UBE2M: variants seen among roughly 807,000 people sequenced by gnomAD.
UBE2M encodes NEDD8-conjugating enzyme Ubc12.
UBE2M carries 2 observed loss-of-function variants against 23.5 expected under a neutral mutation model. The observed-to-expected ratio is 0.09, with a 90% confidence interval of 0.03 to 0.27. UBE2M has a LOEUF of 0.27. Among genes scored for constraint, UBE2M ranks in the 10% least tolerant of loss-of-function variants. UBE2M has a pLI of 1.00. For missense variants in UBE2M, 103 were observed against 232.9 expected, an observed-to-expected ratio of 0.44 and a Z score of 3.63; for synonymous variants, 97 against 95.2, an observed-to-expected ratio of 1.02 and a Z score of -0.11.
chr19:58,557,201 G>T (rs971105289), intron 1 of UBE2M, 44 bp from the exon 2 acceptor site: 2 of 1,580,472 alleles, frequency 1.3e-6, no homozygotes, highest in East Asian at 4.5e-5. Flanking sequence ...AGAGGGAGGG[G>T]AAGAGAGAGA....
chr19:58,558,203 C>G lies in UBE2M; in HGVS notation c.109+70G>C, dbSNP rs1413338454. 2.9e-6 allele frequency: 4 copies of G among 1,366,586 alleles called. No homozygotes were observed. Among genetic ancestry groups the G allele is most frequent in the Non-Finnish European group, 4.0e-6 (4 of 997,000 alleles). The allele number at this position is 1,366,586 out of a possible 1,614,324, so 84.7% of individuals were successfully genotyped here. A position where few individuals can be genotyped will look rare whatever the true frequency, so the allele number is the denominator to read the frequency against. The stretch of plus-strand genomic sequence containing the variant: ...CAGCAACCGCATTACCCCTTCCTGA[C>G]TCCCACATCACCCTGCCTCAGGCCC... On this transcript the variant is annotated intron_variant, in intron 1 of 5. Coordinates refer to ENST00000253023, the MANE Select transcript of UBE2M (RefSeq NM_003969.4). This position sits in a 1 kb window ranked among gnomAD's most constrained non-coding sequence, Gnocchi z 4.7.
chr19:58,557,215 A>G, intron 1 of UBE2M, 58 bp from the exon 2 acceptor site: 3 of 1,481,316 alleles, frequency 2.0e-6, no homozygotes, highest in Non-Finnish European at 2.8e-6. Flanking sequence ...AGAGAGAGAG[A>G]GGGAGCCAGC....
At position 58,556,239 on chromosome 19, in the gene UBE2M, G is replaced by T. The variant is rs779079546; in HGVS notation, c.412-10C>A. Reference sequence around the variant, plus strand: ...CCTCGGGGTTGGGCTCCTGTGGCCAGTACAGGTAGGGGGGGTCAACAGGCC... The same window carrying T: ...CCTCGGGGTTGGGCTCCTGTGGCCATTACAGGTAGGGGGGGTCAACAGGCC... On this transcript the variant is annotated splice_polypyrimidine_tract_variant and intron_variant, in intron 5 of 5. Coordinates refer to ENST00000253023, the MANE Select transcript of UBE2M (RefSeq NM_003969.4). This position sits in a 1 kb window ranked among gnomAD's most constrained non-coding sequence, Gnocchi z 4.9. 1.2e-6 allele frequency: 2 copies of T among 1,614,030 alleles called. No individual in the cohort carries two copies. Among genetic ancestry groups the T allele is most frequent in the Non-Finnish European group, 1.7e-6 (2 of 1,179,884 alleles).
chr19:58,556,673 G>A lies in UBE2M; in HGVS notation c.347+14C>T, dbSNP rs900739779. The A allele has an allele frequency of 5.3e-6, 8 of 1,520,682 alleles. No individual in the cohort carries two copies. In the African/African-American group the frequency reaches 1.1e-4, roughly 21 times the overall value. 94.2% of individuals were successfully genotyped at this position (1,520,682 alleles called of 1,614,324 possible). ...GCAGCGCTGAGGAGGGCATTAGAGGGCCAGTGTCCTCACCTGAGGATGTTG... is the reference window on the plus strand; with the variant it reads ...GCAGCGCTGAGGAGGGCATTAGAGGACCAGTGTCCTCACCTGAGGATGTTG... On this transcript the variant is annotated intron_variant, in intron 4 of 5. Coordinates refer to ENST00000253023, the MANE Select transcript of UBE2M (RefSeq NM_003969.4). This position sits in a 1 kb window ranked among gnomAD's most constrained non-coding sequence, Gnocchi z 4.9.
At chr19:58,557,191 A>G (rs1568670582) in intron 1 of UBE2M, 34 bp from the exon 2 acceptor site, 1 of 1,601,360 alleles carries the variant, frequency 6.2e-7, no homozygotes, top group Non-Finnish European at 8.6e-7. Flanking sequence ...GGGAACAGAA[A>G]GAGGGAGGGG....
In UBE2M at chr19:58,556,102, C is replaced by T. The variant is rs1217196342; in HGVS notation, c.539G>A (p.Arg180His). ...TATGCGCCAACCCTATTTCAGGCAG[C>T]GCTCAAAGTAGGTGGAGCCGATGTA... ...GGYIGSTYFE[R>H]CLK The change falls in exon 6 of 6, where the codon CGC (arginine) becomes CAC (histidine). Residue 180 changes from arginine (R) to histidine (H), a missense_variant. Coordinates refer to ENST00000253023, the MANE Select transcript of UBE2M (RefSeq NM_003969.4). This position sits in a 1 kb window ranked among gnomAD's most constrained non-coding sequence, Gnocchi z 4.9. 3 of 1,608,702 alleles carry T rather than the reference C, an allele frequency of 1.9e-6. No individual in the cohort carries two copies. The highest frequency in any genetic ancestry group is 2.5e-6 in the Non-Finnish European group (3 of 1,177,244).
rs865977291 is a variant in UBE2M, at chr19:58,556,436, C to T, written c.348-57G>A. ...GGTGAGTGGGAGACTGCCACAGGCC[C>T]CTCTGGTGTTGGGCAGGTCAGATCC... On this transcript the variant is annotated intron_variant, in intron 4 of 5. Transcript: ENST00000253023. The surrounding 1 kb of genome is among the most constrained non-coding windows in gnomAD (Gnocchi z 4.9). The T allele has an allele frequency of 6.3e-7, 1 of 1,580,482 alleles. No homozygotes were observed.
chr19:58,557,168 G>A lies in UBE2M; in HGVS notation c.110-11C>T. 1 of 1,613,348 alleles carries A rather than the reference G, an allele frequency of 6.2e-7. No homozygotes were observed. Among genetic ancestry groups the A allele is most frequent in the Non-Finnish European group, 8.5e-7 (1 of 1,179,612 alleles). On this transcript the variant is annotated splice_polypyrimidine_tract_variant and intron_variant, in intron 1 of 5. Transcript: ENST00000253023. ...TCAGCTCGTTTATGTCTGGGTTTGG[G>A]TAGCAGAGAGTCGGGAACAGAAAGA...
At position 58,558,121 on chromosome 19, in the gene UBE2M, C is replaced by T; in HGVS notation, c.109+152G>A. ...CCTCCCCGTGACTGCATGATCCCAACCCTCAAGACTTGACCTCCGACCCCC... is the reference window on the plus strand; with the variant it reads ...CCTCCCCGTGACTGCATGATCCCAATCCTCAAGACTTGACCTCCGACCCCC... On this transcript the variant is annotated intron_variant, in intron 1 of 5. Coordinates refer to ENST00000253023, the MANE Select transcript of UBE2M (RefSeq NM_003969.4). The surrounding 1 kb of genome is among the most constrained non-coding windows in gnomAD (Gnocchi z 4.7). The T allele has an allele frequency of 1.7e-6, 1 of 583,890 alleles. No homozygotes were observed. 36.2% of individuals were successfully genotyped at this position (583,890 alleles called of 1,614,324 possible).
rs1490456557 is a variant in UBE2M, at chr19:58,556,576, A to G, written c.347+111T>C. 1 of 1,160,210 alleles carries G rather than the reference A, an allele frequency of 8.6e-7. No individual in the cohort carries two copies. The highest frequency in any genetic ancestry group is 1.2e-6 in the Non-Finnish European group (1 of 825,550). 71.9% of individuals were successfully genotyped at this position (1,160,210 alleles called of 1,614,324 possible). A position where few individuals can be genotyped will look rare whatever the true frequency, so the allele number is the denominator to read the frequency against. ...AAGATGACTGGGAAATCAAGAAACC[A>G]CAGACAACAAAGGGGTGGGAAGGGA... On this transcript the variant is annotated intron_variant, in intron 4 of 5. Coordinates refer to ENST00000253023, the MANE Select transcript of UBE2M (RefSeq NM_003969.4). This position sits in a 1 kb window ranked among gnomAD's most constrained non-coding sequence, Gnocchi z 4.9.
At position 58,558,267 on chromosome 19, in the gene UBE2M, C is replaced by A. The variant is rs569272231; in HGVS notation, c.109+6G>T. 4.5e-5 allele frequency: 72 copies of A among 1,600,604 alleles called. No individual in the cohort carries two copies. The South Asian group carries it at 7.2e-4, about 16-fold the overall frequency. ...CCGGCTCCAACCCCATCCCCTGACC[C>A]CCTACCCTTCTGGATCCGCAGCTGC... On this transcript the variant is annotated splice_donor_region_variant and intron_variant, in intron 1 of 5. Transcript: ENST00000253023. This position sits in a 1 kb window ranked among gnomAD's most constrained non-coding sequence, Gnocchi z 4.7.
Position 58,556,432 on chromosome 19 carries a change from G to A in UBE2M, c.348-53C>T. 6.3e-7 allele frequency: 1 copy of A among 1,584,530 alleles called. No homozygotes were observed. Among genetic ancestry groups the A allele is most frequent in the Non-Finnish European group, 8.6e-7 (1 of 1,156,078 alleles). ...GCTTGGTGAGTGGGAGACTGCCACA[G>A]GCCCCTCTGGTGTTGGGCAGGTCAG... is the stretch of plus-strand genomic sequence containing the variant. On this transcript the variant is annotated intron_variant, in intron 4 of 5. Coordinates refer to ENST00000253023, the MANE Select transcript of UBE2M (RefSeq NM_003969.4). The surrounding 1 kb of genome is among the most constrained non-coding windows in gnomAD (Gnocchi z 4.9).
At chr19:58,557,926 C>T (rs541479921) in intron 1 of UBE2M, among the ~76,000 whole-genome samples, 1 of 151,982 alleles carries the variant, frequency 6.6e-6, no homozygotes, top group African/African-American at 2.4e-5. Context: ...TACTATCCCT[C>T]TCTTCTCCGC....
rs2053891876 is a variant in UBE2M, at chr19:58,556,559, T to C, written c.347+128A>G. 7.3e-6 allele frequency: 8 copies of C among 1,095,416 alleles called. No individual in the cohort carries two copies. In the South Asian group the frequency reaches 1.1e-4, roughly 15 times the overall value. 67.9% of individuals were successfully genotyped at this position (1,095,416 alleles called of 1,614,324 possible). On this transcript the variant is annotated intron_variant, in intron 4 of 5. Transcript: ENST00000253023. This position sits in a 1 kb window ranked among gnomAD's most constrained non-coding sequence, Gnocchi z 4.9. ...AAGGTCAGGCCATGAGGAAGATGACTGGGAAATCAAGAAACCACAGACAAC... is the reference window on the plus strand; with the variant it reads ...AAGGTCAGGCCATGAGGAAGATGACCGGGAAATCAAGAAACCACAGACAAC...
rs946882801 is a variant in UBE2M at position 58,555,844 on chromosome 19, A to AG, written c.*244dup. ...AGTGGGGGCTGAACAAGCACCCAGC[A>AG]GGGGGGCTAGACAAGCCAATTCATT... On this transcript the variant is annotated 3_prime_UTR_variant, in exon 6 of 6. Coordinates refer to ENST00000253023, the MANE Select transcript of UBE2M (RefSeq NM_003969.4). 22 of 556,648 alleles carry AG rather than the reference A, an allele frequency of 4.0e-5. No homozygotes were observed. Among genetic ancestry groups the AG allele is most frequent in the Non-Finnish European group, 6.7e-5 (21 of 313,568 alleles). 34.5% of individuals were successfully genotyped at this position (556,648 alleles called of 1,614,324 possible). A position where few individuals can be genotyped will look rare whatever the true frequency, so the allele number is the denominator to read the frequency against.
chr19:58,557,210 G>A, intron 1 of UBE2M, 53 bp from the exon 2 acceptor site: 1 of 1,517,258 alleles, frequency 6.6e-7, no homozygotes, highest in Non-Finnish European at 9.1e-7. Flanking sequence ...GGAAGAGAGA[G>A]AGAGAGGGAG....
chr19:58,557,874 A>G (rs2053902728), intron 1 of UBE2M, among the ~76,000 whole-genome samples: 1 of 151,332 alleles, frequency 6.6e-6, no homozygotes, highest in Non-Finnish European at 1.5e-5. Flanking sequence ...CCAGCATAAT[A>G]AACTAAATCC....
Position 58,558,113 on chromosome 19 carries a change from G to C in UBE2M, c.109+160C>G, listed in dbSNP as rs1359410934. 6.6e-6 allele frequency among the ~76,000 whole-genome samples: 1 copy of C among 150,606 alleles called. No individual in the cohort carries two copies. The highest frequency in any genetic ancestry group is 1.5e-5 in the Non-Finnish European group (1 of 67,652). Reference sequence around the variant, plus strand: ...TCTGACCCCCTCCCCGTGACTGCATGATCCCAACCCTCAAGACTTGACCTC... The same window carrying C: ...TCTGACCCCCTCCCCGTGACTGCATCATCCCAACCCTCAAGACTTGACCTC... On this transcript the variant is annotated intron_variant, in intron 1 of 5. Transcript: ENST00000253023. This position sits in a 1 kb window ranked among gnomAD's most constrained non-coding sequence, Gnocchi z 4.7.
chr19:58,557,248 G>A (rs922058123), intron 1 of UBE2M, 91 bp from the exon 2 acceptor site: 17 of 1,326,316 alleles, frequency 1.3e-5, no homozygotes, highest in Middle Eastern at 2.6e-4. Flanking sequence ...GCGGGTGTTT[G>A]TTAGCAGAGC....
Sources: allele counts gnomAD v4.1 joint callset (sites outside exome capture counted in the v4.1 genomes callset), GRCh38; gene constraint gnomAD v4.1.1; non-coding constraint Gnocchi (gnomAD v3.1); transcripts MANE v1.5; gene names NCBI Gene and HGNC (gene_info 2026-07-23, HGNC 2026-07-21).